The following FARS2 variants were observed in gnomAD, a reference collection of about 807,000 sequenced individuals.
FARS2 encodes phenylalanine--tRNA ligase, mitochondrial.
Under a neutral mutation model 46.4 loss-of-function variants are expected in FARS2, and 40 were observed. That is an observed-to-expected ratio of 0.86 (90% CI 0.67 to 1.12). The LOEUF is 1.12. Ranked by LOEUF, FARS2 falls within the 50% of genes most tolerant of loss-of-function variation. The pLI is 0.00. For missense variants in FARS2, 513 were observed against 567.9 expected (o/e 0.90, Z 0.98); for synonymous variants, 234 against 214.9 (o/e 1.09, Z -0.78).
chr6:5,455,395 G>A (rs1047889950), intron 4 of FARS2, among the ~76,000 whole-genome samples: 1 of 152,202 alleles, frequency 6.6e-6, no homozygotes, highest in African/African-American at 2.4e-5. Flanking sequence ...TTGTGAGAGT[G>A]TTAGTGGAGT....
chr6:5,602,810 C>T (rs1774612130), intron 5 of FARS2, among the ~76,000 whole-genome samples: 1 of 152,170 alleles, frequency 6.6e-6, no homozygotes, highest in Non-Finnish European at 1.5e-5. Context: ...CCCTCCCCTC[C>T]TCAGTCCCTT....
intron 5 of FARS2, among the ~76,000 whole-genome samples, chr6:5,583,408 T>G (rs1773443843): frequency 6.6e-6 from 1 of 152,154 alleles, no homozygotes; most frequent in Non-Finnish European, 1.5e-5. Context: ...TGCCTCAGTC[T>G]CCCTATTTAT....
intron 1 of FARS2, among the ~76,000 whole-genome samples, chr6:5,313,246 A>C (rs1007070513): frequency 6.6e-6 from 1 of 152,200 alleles, no homozygotes; most frequent in African/African-American, 2.4e-5. Context: ...GTGCTACCAC[A>C]TTCTCTATGC....
chr6:5,481,535 T>G (rs1385617786), intron 4 of FARS2, among the ~76,000 whole-genome samples: 3 of 152,210 alleles, frequency 2.0e-5, no homozygotes, highest in Non-Finnish European at 1.5e-5. Flanking sequence ...TCCAGCCATT[T>G]GTTACAAGTA....
At chr6:5,270,490 C>T (rs1191199724) in intron 1 of FARS2, among the ~76,000 whole-genome samples, 1 of 152,208 alleles carries the variant, frequency 6.6e-6, no homozygotes, top group African/African-American at 2.4e-5. Context: ...TGTCTGGATG[C>T]CCTTCTGTTA....
At chr6:5,632,637 T>TTCCTTC (rs1776350618) in intron 6 of FARS2, among the ~76,000 whole-genome samples, 5 of 141,174 alleles carry the variant, frequency 3.5e-5, no homozygotes, top group African/African-American at 8.1e-5. Flanking sequence ...CTCCCTCCCT[T>TTCCTTC]CTTCCTTCCT....
intron 6 of FARS2, among the ~76,000 whole-genome samples, chr6:5,741,126 G>C (rs1273527260): frequency 6.6e-6 from 1 of 152,174 alleles, no homozygotes; most frequent in Non-Finnish European, 1.5e-5. Flanking sequence ...AGATCTTAAA[G>C]CATCCTGAGA....
At chr6:5,333,207 T>A (rs1770921846) in intron 1 of FARS2, among the ~76,000 whole-genome samples, 1 of 150,890 alleles carries the variant, frequency 6.6e-6, no homozygotes. Context: ...TTTATTTTGG[T>A]CTTACTTGAA....
intron 6 of FARS2, among the ~76,000 whole-genome samples, chr6:5,710,975 A>C (rs1400563846): frequency 2.6e-5 from 4 of 152,244 alleles, no homozygotes; most frequent in Non-Finnish European, 4.4e-5. Flanking sequence ...CTAACAGCTT[A>C]AAAAGCAAGT....
intron 1 of FARS2, among the ~76,000 whole-genome samples, chr6:5,336,748 T>C (rs775171699): frequency 2.2e-4 from 33 of 152,140 alleles, no homozygotes; most frequent in Non-Finnish European, 3.5e-4. Context: ...ATTCTTCCTA[T>C]TTTTTCAGAT....
chr6:5,298,025 C>T (rs750070383), intron 1 of FARS2, among the ~76,000 whole-genome samples: 6 of 152,228 alleles, frequency 3.9e-5, no homozygotes, highest in Non-Finnish European at 5.9e-5. Flanking sequence ...ACACTGAGGA[C>T]TTTGAACATT....
chr6:5,701,561 G>T (rs1156732442), intron 6 of FARS2, among the ~76,000 whole-genome samples: 1 of 152,242 alleles, frequency 6.6e-6, no homozygotes, highest in Admixed American at 6.5e-5. Flanking sequence ...TCAGAAGCCA[G>T]ATACCAGGTT....
chr6:5,416,200 G>A (rs192869017), intron 3 of FARS2, among the ~76,000 whole-genome samples: 172 of 151,942 alleles, frequency 1.1e-3, no homozygotes, highest in African/African-American at 4.0e-3. Context: ...ATTGTTTCTC[G>A]GACATCTTTC....
rs551161670 is a variant in FARS2, at chr6:5,689,730, C to T, written c.1217+76410C>T. On this transcript the variant is annotated intron_variant, in intron 6 of 6. Transcript: ENST00000274680. ...TCTATTAGGTCCGCTTGGTGCAGAG[C>T]TGAGTTCAGTTCCTGGATATGCTTG... is the stretch of plus-strand genomic sequence containing the variant. 9.2e-5 allele frequency among the ~76,000 whole-genome samples: 14 copies of T among 152,252 alleles called. No individual in the cohort carries two copies. In the South Asian group the frequency reaches 2.7e-3, roughly 29 times the overall value.
intron 4 of FARS2, among the ~76,000 whole-genome samples, chr6:5,441,533 GT>G (rs1415586328): frequency 6.6e-6 from 1 of 152,042 alleles, no homozygotes; most frequent in East Asian, 1.9e-4. Flanking sequence ...ATGACTTTAG[GT>G]TTTCATGCAT....
In FARS2 at chr6:5,658,962, C is replaced by T. The variant is rs529365041; in HGVS notation, c.1217+45642C>T. Among the ~76,000 whole-genome samples, 38 of 152,338 alleles carry T rather than the reference C, an allele frequency of 2.5e-4. No homozygotes were observed. The South Asian group carries it at 7.4e-3, about 30-fold the overall frequency. ...GGCGCCCCAACACGAATGTTGGCCC[C>T]TGCGTTTTACAATTGTTCCTGATAG... On this transcript the variant is annotated intron_variant, in intron 6 of 6. Transcript: ENST00000274680.
intron 4 of FARS2, among the ~76,000 whole-genome samples, chr6:5,432,418 A>G (rs1431013991): frequency 4.1e-5 from 5 of 123,054 alleles, no homozygotes; most frequent in African/African-American, 1.5e-4. Context: ...TATATATAAT[A>G]TATAATATAT....
intron 1 of FARS2, among the ~76,000 whole-genome samples, chr6:5,332,176 C>G (rs1048714034): frequency 6.6e-6 from 1 of 152,162 alleles, no homozygotes; most frequent in Non-Finnish European, 1.5e-5. Context: ...TAGAGACATG[C>G]TCTCATCTTG....
At chr6:5,415,310 C>CTTTTTTTTTTTTTTT (rs773981175) in intron 3 of FARS2, among the ~76,000 whole-genome samples, 1 of 53,636 alleles carries the variant, frequency 1.9e-5, no homozygotes, top group African/African-American at 6.9e-5. Context: ...CTTTTCTTTT[C>CTTTTTTTTTTTTTTT]TTTTTTTTTT....
Sources: gnomAD v4.1 joint callset for allele counts (sites outside exome capture counted in the v4.1 genomes callset) on GRCh38, gnomAD v4.1.1 for gene constraint, MANE v1.5 for transcripts, NCBI Gene and HGNC (gene_info 2026-07-23, HGNC 2026-07-21) for gene names.